Variants in SFMBT1 observed in about 807,000 individuals in gnomAD.
SFMBT1 encodes scm-like with four MBT domains protein 1.
Under a neutral mutation model 108.7 loss-of-function variants are expected in SFMBT1, and 32 were observed. The ratio of observed to expected loss-of-function variants is 0.29; its 90% confidence interval spans 0.22 to 0.40. The LOEUF (loss-of-function observed/expected upper bound fraction) is 0.40, where lower values mean the gene tolerates loss of function less well. Ranked by LOEUF, SFMBT1 falls within the 10% of genes least tolerant of loss-of-function variation. The pLI, the probability that SFMBT1 is intolerant of heterozygous loss-of-function variation, is 1.00. For missense variants in SFMBT1, 816 were observed against 1,059.6 expected (o/e 0.77, Z 3.19); for synonymous variants, 348 against 369.5 (o/e 0.94, Z 0.67).
intron 1 of SFMBT1, among the ~76,000 whole-genome samples, chr3:52,991,981 A>C (rs577390741): frequency 2.6e-5 from 4 of 152,352 alleles, no homozygotes; most frequent in African/African-American, 9.6e-5. Context: ...GAGATTGTCC[A>C]TTTCTGTGTT....
intron 3 of SFMBT1, among the ~76,000 whole-genome samples, chr3:52,945,555 C>T (rs752202737): frequency 6.6e-6 from 1 of 151,976 alleles, no homozygotes; most frequent in Non-Finnish European, 1.5e-5. Flanking sequence ...CATCTGTAAT[C>T]CCAGTACTTT....
intron 17 of SFMBT1, among the ~76,000 whole-genome samples, chr3:52,908,038 T>C (rs2106758825): frequency 6.6e-6 from 1 of 151,794 alleles, no homozygotes; most frequent in South Asian, 2.1e-4. Flanking sequence ...TTTGCCTCTA[T>C]GGAACCACAC....
At chr3:52,936,438 G>A (rs1174987461) in intron 4 of SFMBT1, among the ~76,000 whole-genome samples, 1 of 152,148 alleles carries the variant, frequency 6.6e-6, no homozygotes, top group Non-Finnish European at 1.5e-5. Context: ...TCACTATGAA[G>A]TCATACATTA....
chr3:53,030,245 A>AAAATATATC (rs1699635873), intron 1 of SFMBT1, among the ~76,000 whole-genome samples: 2 of 152,216 alleles, frequency 1.3e-5, no homozygotes, highest in Non-Finnish European at 2.9e-5. Context: ...AACAATGTCT[A>AAAATATATC]AAATATATCA....
intron 1 of SFMBT1, among the ~76,000 whole-genome samples, chr3:53,037,881 G>A (rs919136306): frequency 6.6e-6 from 1 of 152,154 alleles, no homozygotes; most frequent in Non-Finnish European, 1.5e-5. Context: ...GGCCAAGGCG[G>A]ATGGATCGCC....
intron 15 of SFMBT1, among the ~76,000 whole-genome samples, chr3:52,912,893 A>G (rs574316654): frequency 1.3e-5 from 2 of 152,326 alleles, no homozygotes; most frequent in African/African-American, 4.8e-5. Context: ...AACAGGTACC[A>G]TGATTTTCAA....
intron 1 of SFMBT1, among the ~76,000 whole-genome samples, chr3:53,043,503 CA>C (rs1700120297): frequency 6.6e-6 from 1 of 152,198 alleles, no homozygotes; most frequent in Admixed American, 6.5e-5. Context: ...ATTTTCTCAG[CA>C]AATTCTAGGC....
In SFMBT1 at chr3:52,930,310, A is replaced by G. The variant is rs375223615; in HGVS notation, c.897+19T>C. 23 of 1,432,810 alleles carry G rather than the reference A, an allele frequency of 1.6e-5. No homozygotes were observed. The highest frequency in any genetic ancestry group is 2.2e-5 in the Non-Finnish European group (22 of 1,014,850). 88.8% of individuals were successfully genotyped at this position (1,432,810 alleles called of 1,614,324 possible). On this transcript the variant is annotated intron_variant, in intron 8 of 20. Coordinates refer to ENST00000394752, the MANE Select transcript of SFMBT1 (RefSeq NM_016329.4). ...CACCTTGACAGGGATTCTTACCAAG[A>G]GAGTTATCTCCATTTTACCTTAACA...
intron 1 of SFMBT1, among the ~76,000 whole-genome samples, chr3:53,036,295 G>A (rs946242561): frequency 6.6e-6 from 1 of 152,172 alleles, no homozygotes; most frequent in Admixed American, 6.5e-5. Context: ...ACTCCACTAG[G>A]AGGACTCTCA....
At position 52,975,006 on chromosome 3, in the gene SFMBT1, GA is replaced by G. The variant is rs565616671; in HGVS notation, c.-130-5749del. Among the ~76,000 whole-genome samples the G allele has an allele frequency of 6.6e-3, 885 of 134,492 alleles. 3 individuals carry two copies. The highest frequency in any genetic ancestry group is 0.011 in the Middle Eastern group (3 of 272). 88.2% of individuals were successfully genotyped at this position (134,492 alleles called of 152,430 possible). On this transcript the variant is annotated intron_variant, in intron 1 of 20. Coordinates refer to ENST00000394752, the MANE Select transcript of SFMBT1 (RefSeq NM_016329.4). ...GGTGACAGGGCAAGACCCTGTATCAGAAAAAAAAAAAAATCTGAGCCAAACC... is the reference window on the plus strand; with the variant it reads ...GGTGACAGGGCAAGACCCTGTATCAGAAAAAAAAAAAATCTGAGCCAAACC...
intron 1 of SFMBT1, among the ~76,000 whole-genome samples, chr3:53,032,473 A>G (rs1699719824): frequency 6.6e-6 from 1 of 152,242 alleles, no homozygotes; most frequent in Non-Finnish European, 1.5e-5. Flanking sequence ...AACAAGAAAC[A>G]AAGTATTGTA....
intron 19 of SFMBT1, 51 bp downstream of exon 19, chr3:52,907,018 G>A (rs1439412617): frequency 6.4e-7 from 1 of 1,554,160 alleles, no homozygotes. Context: ...TATTCCAGAT[G>A]GAAATTCCAG....
chr3:52,916,592 C>A (rs1228026504), intron 13 of SFMBT1, among the ~76,000 whole-genome samples: 1 of 151,454 alleles, frequency 6.6e-6, no homozygotes, highest in Non-Finnish European at 1.5e-5. Context: ...TGGCGTGAAC[C>A]CAGGAGGCAG....
intron 13 of SFMBT1, 124 bp downstream of exon 13, chr3:52,918,360 A>G (rs1702420810): frequency 2.8e-6 from 2 of 702,636 alleles, no homozygotes; most frequent in East Asian, 6.4e-5. Context: ...AAGTATACAA[A>G]TGATCAAATG....
At chr3:53,038,167 T>G (rs971316086) in intron 1 of SFMBT1, among the ~76,000 whole-genome samples, 7 of 152,162 alleles carry the variant, frequency 4.6e-5, no homozygotes, top group Non-Finnish European at 1.0e-4. Context: ...TCCTAGCTAC[T>G]CAGGAGGCTG....
In SFMBT1 at chr3:52,932,004, G is replaced by T. The variant is rs1048051067; in HGVS notation, c.700+58C>A. On this transcript the variant is annotated intron_variant, in intron 6 of 20. Transcript: ENST00000394752. Reference sequence around the variant, plus strand: ...CAGAATATATTTTTTCAGCCTCATAGATATTAATAACATAGCATGTTAATG... The same window carrying T: ...CAGAATATATTTTTTCAGCCTCATATATATTAATAACATAGCATGTTAATG... 11 of 1,555,690 alleles carry T rather than the reference G, an allele frequency of 7.1e-6. No homozygotes were observed. The African/African-American group carries it at 1.4e-4, about 19-fold the overall frequency.
chr3:53,025,151 T>C (rs1433939158), intron 1 of SFMBT1, among the ~76,000 whole-genome samples: 1 of 152,168 alleles, frequency 6.6e-6, no homozygotes, highest in East Asian at 1.9e-4. Context: ...CCTTCTTAAC[T>C]GTATTTTCAA....
At chr3:53,019,381 G>A (rs574574131) in intron 1 of SFMBT1, among the ~76,000 whole-genome samples, 3,383 of 121,870 alleles carry the variant, frequency 0.028, 58 homozygotes, top group Non-Finnish European at 0.041. Flanking sequence ...TGGTGTGTGT[G>A]TGTGTGGGGG....
intron 1 of SFMBT1, among the ~76,000 whole-genome samples, chr3:53,037,929 T>C (rs1699919014): frequency 6.6e-6 from 1 of 152,050 alleles, no homozygotes; most frequent in South Asian, 2.1e-4. Flanking sequence ...GCCAACATGA[T>C]GAAACCCTGT....
Sources: allele counts gnomAD v4.1 joint callset (sites outside exome capture counted in the v4.1 genomes callset), GRCh38; gene constraint gnomAD v4.1.1; transcripts MANE v1.5; gene names NCBI Gene and HGNC (gene_info 2026-07-23, HGNC 2026-07-21).